Variants in MDM2 observed in about 807,000 individuals in gnomAD.
MDM2 encodes the protein MDM2 proto-oncogene, also known as E3 ubiquitin-protein ligase Mdm2.
In MDM2, 11 loss-of-function variants were observed where a neutral mutation model predicts 64.3. That is an observed-to-expected ratio of 0.17 (90% CI 0.11 to 0.28). The LOEUF (loss-of-function observed/expected upper bound fraction) is 0.28. Ranked by LOEUF, MDM2 falls within the 10% of genes least tolerant of loss-of-function variation. MDM2 has a pLI of 1.00. For missense variants in MDM2, 388 were observed against 577.1 expected, an observed-to-expected ratio of 0.67 and a Z score of 3.36; for synonymous variants, 194 against 192.9, an observed-to-expected ratio of 1.01 and a Z score of -0.05.
At chr12:68,834,301 G>T (rs1345486242) in intron 8 of MDM2, among the ~76,000 whole-genome samples, 5 of 152,198 alleles carry the variant, frequency 3.3e-5, no homozygotes, top group Non-Finnish European at 1.5e-5. Context: ...AATTAGCCGG[G>T]TGTGGTAGTG....
intron 5 of MDM2, 95 bp downstream of exon 5, chr12:68,820,469 T>A: frequency 1.0e-6 from 1 of 967,010 alleles, no homozygotes; most frequent in Non-Finnish European, 1.6e-6. Context: ...TGATTCTCTT[T>A]AAAAGTTGCT....
Position 68,824,364 on chromosome 12 carries a change from A to G in MDM2, c.360A>G (p.Glu120=). 6.2e-7 allele frequency: 1 copy of G among 1,613,382 alleles called. No individual in the cohort carries two copies. Among genetic ancestry groups the G allele is most frequent in the Non-Finnish European group, 8.5e-7 (1 of 1,179,776 alleles). Reference sequence around the variant, plus strand: ...CTGATCCTTTTTCTTTTCTCTCAGAATCATCGGACTCAGGTACATCTGTGA... The same window carrying G: ...CTGATCCTTTTTCTTTTCTCTCAGAGTCATCGGACTCAGGTACATCTGTGA... The part of the protein sequence containing the change: ...YRNLVVVNQQ[E]SSDSGTSVSE... Residue 120 remains glutamate, a splice_region_variant and synonymous_variant, in exon 6 of 11, where the codon GAA becomes GAG. Coordinates refer to ENST00000258149, the MANE Select transcript of MDM2 (RefSeq NM_002392.6).
chr12:68,847,144 TTACA>T (rs1884352021), downstream of MDM2: 1 of 109,646 alleles, frequency 9.1e-6, no homozygotes, highest in Admixed American at 8.0e-5. Flanking sequence ...TATACATATA[TTACA>T]TATATATATA....
At chr12:68,830,890 G>A (rs1882738473) in intron 8 of MDM2, among the ~76,000 whole-genome samples, 1 of 152,026 alleles carries the variant, frequency 6.6e-6, no homozygotes, top group Non-Finnish European at 1.5e-5. Flanking sequence ...TAGTAGAGAT[G>A]GGGTTTCACT....
chr12:68,824,892 T>C (rs1882175341), intron 7 of MDM2: 2 of 447,222 alleles, frequency 4.5e-6, no homozygotes, highest in South Asian at 5.3e-5. Flanking sequence ...GTTAGCCAAC[T>C]CTCTGTTAAG....
intron 9 of MDM2, 169 bp from the exon 10 acceptor site, chr12:68,836,501 TTC>T (rs1200624853): frequency 3.8e-5 from 20 of 526,946 alleles, no homozygotes; most frequent in Middle Eastern, 4.9e-4. Context: ...GGGTAAGGAT[TTC>T]TCTCTCCTCC....
At chr12:68,809,439 G>A in intron 2 of MDM2, 147 bp downstream of exon 2, 1 of 738,406 alleles carries the variant, frequency 1.4e-6, no homozygotes, top group Non-Finnish European at 2.3e-6. Flanking sequence ...GCGTAACTGC[G>A]TGGAGTTAAA....
chr12:68,812,172 A>G (rs2136111388), intron 2 of MDM2, among the ~76,000 whole-genome samples: 1 of 151,368 alleles, frequency 6.6e-6, no homozygotes, highest in South Asian at 2.1e-4. Flanking sequence ...TTAGCCTGAA[A>G]GTAAAGTGCA....
At chr12:68,836,457 C>T (rs1565746138) in intron 9 of MDM2, 1 of 427,824 alleles carries the variant, frequency 2.3e-6, no homozygotes, top group African/African-American at 2.0e-5. Flanking sequence ...TTTTATTCAT[C>T]CTAAACATCC....
At chr12:68,809,060 C>G in intron 1 of MDM2, 148 bp from the exon 2 acceptor site, 1 of 1,499,714 alleles carries the variant, frequency 6.7e-7, no homozygotes, top group Non-Finnish European at 8.8e-7. Flanking sequence ...GGCACGGACG[C>G]ACGCCACTTT....
intron 7 of MDM2, among the ~76,000 whole-genome samples, chr12:68,825,005 G>A (rs1152925): frequency 6.6e-6 from 1 of 151,974 alleles, no homozygotes; most frequent in South Asian, 2.1e-4. Flanking sequence ...TCAGGAGTTC[G>A]AGACCAGCCT....
chr12:68,845,469 T>C lies in MDM2; in HGVS notation c.*5620T>C, dbSNP rs1884216965. 1 of 206,558 alleles carries C rather than the reference T, an allele frequency of 4.8e-6. No homozygotes were observed. Among genetic ancestry groups the C allele is most frequent in the African/African-American group, 2.3e-5 (1 of 43,746 alleles). The allele number at this position is 206,558 out of a possible 1,614,324, so 12.8% of individuals were successfully genotyped here. On this transcript the variant is annotated 3_prime_UTR_variant, in exon 11 of 11. Coordinates refer to ENST00000258149, the MANE Select transcript of MDM2 (RefSeq NM_002392.6). ...TGTTCAGTAACTTATTCATAATGCA[T>C]CTGAAATGATTGCTGTACTCAAATA...
chr12:68,816,761 C>T (rs780149278), intron 3 of MDM2, 51 bp from the exon 4 acceptor site: 3 of 1,437,194 alleles, frequency 2.1e-6, no homozygotes, highest in Non-Finnish European at 2.8e-6. Context: ...AATGTATTTA[C>T]AACTAACATT....
At chr12:68,831,272 C>T (rs1247419094) in intron 8 of MDM2, among the ~76,000 whole-genome samples, 2 of 152,300 alleles carry the variant, frequency 1.3e-5, no homozygotes, top group Admixed American at 1.3e-4. Flanking sequence ...GGGAGGGGGG[C>T]TCTAAAGCTG....
chr12:68,828,989 A>C, intron 8 of MDM2, 58 bp downstream of exon 8: 1 of 1,516,908 alleles, frequency 6.6e-7, no homozygotes, highest in Non-Finnish European at 9.1e-7. Context: ...TAGTCCTGGC[A>C]GTCCTAATAA....
chr12:68,824,946 C>T (rs987849060), intron 7 of MDM2, among the ~76,000 whole-genome samples: 4 of 152,208 alleles, frequency 2.6e-5, no homozygotes, highest in Admixed American at 1.3e-4. Context: ...GCCTGGCTCA[C>T]GCCTGTAATC....
rs188265712 is a variant in MDM2 at position 68,823,145 on chromosome 12, T to A, written c.359-1218T>A. Among the ~76,000 whole-genome samples the A allele has an allele frequency of 3.2e-4, 49 of 152,332 alleles. No individual in the cohort carries two copies. The East Asian group carries it at 5.8e-3, about 18-fold the overall frequency. On this transcript the variant is annotated intron_variant, in intron 5 of 10. Transcript: ENST00000258149. ...ATTATGTACAACTTAAGAAAATTAG[T>A]GTAATGCCTTACCCATAGTATAAAG...
In MDM2 at chr12:68,842,960, A is replaced by G. The variant is rs541949615; in HGVS notation, c.*3111A>G. On this transcript the variant is annotated 3_prime_UTR_variant, in exon 11 of 11. Coordinates refer to ENST00000258149, the MANE Select transcript of MDM2 (RefSeq NM_002392.6). ...ATAAGGTTTGCCTGAAATAACTGACACTATATAATTTCTGCTTTGGCAAAT... is the reference window on the plus strand; with the variant it reads ...ATAAGGTTTGCCTGAAATAACTGACGCTATATAATTTCTGCTTTGGCAAAT... 1 of 210,936 alleles carries G rather than the reference A, an allele frequency of 4.7e-6. No homozygotes were observed. The highest frequency in any genetic ancestry group is 1.9e-4 in the South Asian group (1 of 5,316). The allele number at this position is 210,936 out of a possible 1,614,324, so 13.1% of individuals were successfully genotyped here. A position where few individuals can be genotyped will look rare whatever the true frequency, so the allele number is the denominator to read the frequency against.
Position 68,842,125 on chromosome 12 carries a change from A to G in MDM2, c.*2276A>G. On this transcript the variant is annotated 3_prime_UTR_variant, in exon 11 of 11. Coordinates refer to ENST00000258149, the MANE Select transcript of MDM2 (RefSeq NM_002392.6). ...TGAGCTTACAGTGGATTTGAATTTG[A>G]AAAATATAGTAACAAGCCTGTCAAA... 3 of 434,426 alleles carry G rather than the reference A, an allele frequency of 6.9e-6. 1 individual carries two copies. The highest frequency in any genetic ancestry group is 5.9e-5 in the South Asian group (3 of 50,636). 26.9% of individuals were successfully genotyped at this position (434,426 alleles called of 1,614,324 possible). A position where few individuals can be genotyped will look rare whatever the true frequency, so the allele number is the denominator to read the frequency against.
Sources: allele counts gnomAD v4.1 joint callset (sites outside exome capture counted in the v4.1 genomes callset), GRCh38; gene constraint gnomAD v4.1.1; transcripts MANE v1.5; gene names NCBI Gene and HGNC (gene_info 2026-07-23, HGNC 2026-07-21).